NCOA2: variants seen among roughly 807,000 people sequenced by gnomAD.
NCOA2 encodes nuclear receptor coactivator 2, also known as class E basic helix-loop-helix protein 75.
NCOA2 carries 21 observed loss-of-function variants against 145.1 expected under a neutral mutation model. That is an observed-to-expected ratio of 0.14 (90% CI 0.10 to 0.21). The LOEUF (loss-of-function observed/expected upper bound fraction) is 0.21. Among genes scored for constraint, NCOA2 ranks in the 10% least tolerant of loss-of-function variants. The pLI, the probability that NCOA2 is intolerant of heterozygous loss-of-function variation, is 1.00. For synonymous variants in NCOA2, 619 were observed against 637.5 expected, an observed-to-expected ratio of 0.97 and a Z score of 0.44; for missense variants, 1,472 against 1,837.6, an observed-to-expected ratio of 0.80 and a Z score of 3.64.
At chr8:70,159,246 T>TATATATATATATATATGTATATATATA (rs1812687288) in intron 10 of NCOA2, among the ~76,000 whole-genome samples, 1 of 86,404 alleles carries the variant, frequency 1.2e-5, no homozygotes, top group Admixed American at 1.3e-4. Flanking sequence ...ATATATATTT[T>TATATATATATATATATGTATATATATA]TTTTTTTTTC....
intron 5 of NCOA2, among the ~76,000 whole-genome samples, chr8:70,172,891 G>GA (rs1187841817): frequency 6.6e-6 from 1 of 152,072 alleles, no homozygotes; most frequent in Non-Finnish European, 1.5e-5. Flanking sequence ...ATGCTCTGAT[G>GA]AAAAAAGCTG....
In NCOA2 at chr8:70,144,677, A is replaced by G. The variant is rs778701184; in HGVS notation, c.2777T>C (p.Ile926Thr). ...QPGMMGNQGM[I>T]GNQGNLGNSS... ...GTTCCCTAAATTTCCTTGGTTTCCT[A>G]TCATCCCTTGATTACCCATCATTCC... Residue 926 changes from isoleucine (I) to threonine (T), a missense_variant, in exon 13 of 23, where the codon ATA becomes ACA. Ile to Thr is a moderately conservative substitution (Grantham distance 89). Around this residue, in one of 4 missense-constraint regions of NCOA2, gnomAD observed 953 missense variants for 1,062.1 expected, o/e 0.90. Transcript: ENST00000452400. The G allele has an allele frequency of 3.1e-6, 5 of 1,613,950 alleles. No homozygotes were observed. In the East Asian group the frequency reaches 6.7e-5, roughly 22 times the overall value.
rs570760075 is a variant in NCOA2 at position 70,304,647 on chromosome 8, T to C, written c.-76-7847A>G. Among the ~76,000 whole-genome samples the C allele has an allele frequency of 2.7e-4, 41 of 151,638 alleles. 1 individual carries two copies. In the South Asian group the frequency reaches 8.6e-3, roughly 32 times the overall value. ...TGCCCGGCTAATTTTTTTGTTTTTT[T>C]GTTTTGTTTTGTTTTTTTGTTTTTT... On this transcript the variant is annotated intron_variant, in intron 1 of 22. Coordinates refer to ENST00000452400, the MANE Select transcript of NCOA2 (RefSeq NM_006540.4).
At chr8:70,384,933 T>C (rs958258054) in intron 1 of NCOA2, among the ~76,000 whole-genome samples, 14 of 152,240 alleles carry the variant, frequency 9.2e-5, no homozygotes, top group Non-Finnish European at 1.8e-4. Context: ...GGGATTGTAA[T>C]AATAATCATT....
In NCOA2 at chr8:70,159,242, ATT is replaced by A. The variant is rs763150293; in HGVS notation, c.1124+261_1124+262del. 3.9e-4 allele frequency among the ~76,000 whole-genome samples: 24 copies of A among 61,068 alleles called. 1 individual carries two copies. Among genetic ancestry groups the A allele is most frequent in the East Asian group, 2.0e-3 (7 of 3,438 alleles). 40.1% of individuals were successfully genotyped at this position (61,068 alleles called of 152,430 possible). ...TAACATTATATATATATATATATATATTTTTTTTTTTTTCCCCCAAATATTTT... is the reference window on the plus strand; with the variant it reads ...TAACATTATATATATATATATATATATTTTTTTTTTTCCCCCAAATATTTT... On this transcript the variant is annotated intron_variant, in intron 10 of 22. Coordinates refer to ENST00000452400, the MANE Select transcript of NCOA2 (RefSeq NM_006540.4).
At chr8:70,333,274 G>A (rs999519816) in intron 1 of NCOA2, among the ~76,000 whole-genome samples, 1 of 152,158 alleles carries the variant, frequency 6.6e-6, no homozygotes, top group African/African-American at 2.4e-5. Context: ...CATGCCCAGA[G>A]TATTCCTAAG....
intron 1 of NCOA2, among the ~76,000 whole-genome samples, chr8:70,390,617 A>T (rs1001547974): frequency 6.6e-6 from 1 of 151,154 alleles, no homozygotes; most frequent in African/African-American, 2.5e-5. Context: ...AAAAAAAAAA[A>T]TTAGTCGGAC....
chr8:70,131,026 T>C (rs928098043), intron 16 of NCOA2, among the ~76,000 whole-genome samples: 3 of 152,200 alleles, frequency 2.0e-5, no homozygotes, highest in African/African-American at 7.2e-5. Context: ...ACTAATTACT[T>C]GGAAGAAGAA....
intron 4 of NCOA2, among the ~76,000 whole-genome samples, chr8:70,207,941 C>T (rs149320776): frequency 2.3e-3 from 342 of 148,296 alleles, no homozygotes; most frequent in African/African-American, 7.5e-3. Flanking sequence ...GCTACTTCAG[C>T]GAATGCATCA....
the NCOA2 span, among the ~76,000 whole-genome samples, chr8:70,447,311 G>A: frequency 6.6e-6 from 1 of 152,110 alleles, no homozygotes. Context: ...GGATTGGGGC[G>A]AAAAAGCACA....
At chr8:70,258,933 G>A (rs147776796) in intron 2 of NCOA2, among the ~76,000 whole-genome samples, 56 of 152,226 alleles carry the variant, frequency 3.7e-4, no homozygotes, top group African/African-American at 1.3e-3. Context: ...GCATTCAGGG[G>A]CCTCTGCAAT....
chr8:70,423,123 T>A, the NCOA2 span, among the ~76,000 whole-genome samples: 1 of 152,222 alleles, frequency 6.6e-6, no homozygotes, highest in African/African-American at 2.4e-5. Flanking sequence ...TTCCCTCCAC[T>A]TGGCTCAGTG....
the NCOA2 span, among the ~76,000 whole-genome samples, chr8:70,415,685 G>A: frequency 6.6e-6 from 1 of 152,162 alleles, no homozygotes; most frequent in African/African-American, 2.4e-5. Context: ...CACGGGTTAG[G>A]AGACAAGTGC....
chr8:70,140,731 G>T (rs1379903022), intron 14 of NCOA2, among the ~76,000 whole-genome samples: 1 of 150,982 alleles, frequency 6.6e-6, no homozygotes, highest in Non-Finnish European at 1.5e-5. Flanking sequence ...TGAGTAGCTG[G>T]GGTTACAGGT....
At chr8:70,267,400 T>G (rs866193922) in intron 2 of NCOA2, among the ~76,000 whole-genome samples, 1,690 of 149,314 alleles carry the variant, frequency 0.011, 36 homozygotes, top group African/African-American at 0.04. Flanking sequence ...CTGTTTTTTT[T>G]TTTTTTTTTT....
chr8:70,290,417 T>C (rs1482980084), intron 2 of NCOA2, among the ~76,000 whole-genome samples: 1 of 152,120 alleles, frequency 6.6e-6, no homozygotes, highest in East Asian at 1.9e-4. Flanking sequence ...CTCGATCTCC[T>C]AACCTCGTGA....
chr8:70,164,438 T>C (rs1265748614), intron 7 of NCOA2, among the ~76,000 whole-genome samples: 1 of 152,210 alleles, frequency 6.6e-6, no homozygotes, highest in African/African-American at 2.4e-5. Flanking sequence ...AATTTGAGAA[T>C]TTCTTGAATT....
intron 7 of NCOA2, among the ~76,000 whole-genome samples, chr8:70,164,341 A>G (rs144529285): frequency 2.2e-3 from 336 of 152,354 alleles, no homozygotes; most frequent in Middle Eastern, 0.014. Context: ...TTCCATTTAA[A>G]AAACACTGGA....
At position 70,144,595 on chromosome 8, in the gene NCOA2, A is replaced by C. The variant is rs191191259; in HGVS notation, c.2812+47T>G. 35 of 1,472,836 alleles carry C rather than the reference A, an allele frequency of 2.4e-5. No individual in the cohort carries two copies. The East Asian group carries it at 7.3e-4, about 31-fold the overall frequency. 91.2% of individuals were successfully genotyped at this position (1,472,836 alleles called of 1,614,324 possible). On this transcript the variant is annotated intron_variant, in intron 13 of 22. Coordinates refer to ENST00000452400, the MANE Select transcript of NCOA2 (RefSeq NM_006540.4). ...GTTTGATGTGGATAAATATACCATT[A>C]AATTAAATAACCCACCAATAAAGTA... is the stretch of plus-strand genomic sequence containing the variant.
Sources: gnomAD v4.1 joint callset for allele counts (sites outside exome capture counted in the v4.1 genomes callset) on GRCh38, gnomAD v4.1.1 for gene constraint, gnomAD v4.1.1 regional missense constraint, MANE v1.5 for transcripts, NCBI Gene and HGNC (gene_info 2026-07-23, HGNC 2026-07-21) for gene names.